Variants in SGCZ observed in about 807,000 individuals in gnomAD.
The protein encoded by SGCZ is zeta-sarcoglycan.
Under a neutral mutation model 41.3 loss-of-function variants are expected in SGCZ, and 40 were observed. That is an observed-to-expected ratio of 0.97 (90% confidence interval 0.75 to 1.26). SGCZ has a LOEUF of 1.26. Ranked by LOEUF, SGCZ falls within the 50% of genes most tolerant of loss-of-function variation. SGCZ has a pLI of 0.00. For missense variants in SGCZ, 552 were observed against 369.8 expected, an observed-to-expected ratio of 1.49 and a Z score of -4.04; for synonymous variants, 206 against 137.5, an observed-to-expected ratio of 1.50 and a Z score of -3.49.
At chr8:14,300,669 G>C (rs969183193) in intron 3 of SGCZ, among the ~76,000 whole-genome samples, 1 of 151,946 alleles carries the variant, frequency 6.6e-6, no homozygotes, top group Non-Finnish European at 1.5e-5. Context: ...AATGGTGGTC[G>C]TATGAGATCA....
intron 1 of SGCZ, among the ~76,000 whole-genome samples, chr8:14,681,810 G>A (rs892304143): frequency 2.0e-5 from 3 of 152,050 alleles, no homozygotes; most frequent in African/African-American, 7.2e-5. Flanking sequence ...CCTCTTGCAT[G>A]GCAGGAAGCC....
intron 1 of SGCZ, among the ~76,000 whole-genome samples, chr8:14,683,497 T>A (rs1254929310): frequency 6.6e-6 from 1 of 152,154 alleles, no homozygotes; most frequent in Non-Finnish European, 1.5e-5. Context: ...CTCTTTGTCA[T>A]GATTAACTTG....
At chr8:15,116,649 A>C (rs568012927) in intron 1 of SGCZ, among the ~76,000 whole-genome samples, 2 of 152,326 alleles carry the variant, frequency 1.3e-5, no homozygotes, top group African/African-American at 4.8e-5. Flanking sequence ...ATGTATAATA[A>C]AGCACATAGG....
intron 1 of SGCZ, among the ~76,000 whole-genome samples, chr8:14,962,183 A>T (rs1800986268): frequency 6.6e-6 from 1 of 152,238 alleles, no homozygotes; most frequent in Non-Finnish European, 1.5e-5. Context: ...TTATTACGTC[A>T]ACCAGTTTCT....
At chr8:14,679,270 A>T (rs182006199) in intron 1 of SGCZ, among the ~76,000 whole-genome samples, 22 of 152,130 alleles carry the variant, frequency 1.4e-4, no homozygotes, top group African/African-American at 5.1e-4. Flanking sequence ...CTTCTTTTGC[A>T]TACATATTTT....
chr8:14,621,019 G>A (rs923842913), intron 1 of SGCZ, among the ~76,000 whole-genome samples: 3 of 152,052 alleles, frequency 2.0e-5, no homozygotes, highest in African/African-American at 4.8e-5. Flanking sequence ...ATTGACAATA[G>A]CAAAGACTTG....
chr8:14,460,452 G>C (rs1800869452), intron 2 of SGCZ, among the ~76,000 whole-genome samples: 1 of 152,106 alleles, frequency 6.6e-6, no homozygotes, highest in African/African-American at 2.4e-5. Context: ...TTTTCACTGG[G>C]TGTCAGTGCT....
intron 1 of SGCZ, among the ~76,000 whole-genome samples, chr8:15,191,951 C>A (rs1770091837): frequency 6.6e-6 from 1 of 151,940 alleles, no homozygotes; most frequent in Admixed American, 6.5e-5. Flanking sequence ...AACCCTGGGC[C>A]AAACTAAATC....
intron 1 of SGCZ, among the ~76,000 whole-genome samples, chr8:15,112,401 T>C (rs1411180945): frequency 6.6e-6 from 1 of 152,264 alleles, no homozygotes; most frequent in Non-Finnish European, 1.5e-5. Context: ...TCCATTCTCC[T>C]GCTTCAGATA....
chr8:14,389,946 G>T (rs558161723), intron 2 of SGCZ, among the ~76,000 whole-genome samples: 1 of 151,886 alleles, frequency 6.6e-6, no homozygotes, highest in Non-Finnish European at 1.5e-5. Context: ...AGTTAAAAAC[G>T]GTGTGAGTAT....
chr8:14,140,886 A>G (rs768740104), intron 5 of SGCZ, among the ~76,000 whole-genome samples: 2 of 152,196 alleles, frequency 1.3e-5, no homozygotes, highest in Non-Finnish European at 2.9e-5. Flanking sequence ...CAAAAAGAAC[A>G]ACACTGGAGG....
At chr8:14,283,514 T>C (rs13251658) in intron 3 of SGCZ, among the ~76,000 whole-genome samples, 1 of 151,830 alleles carries the variant, frequency 6.6e-6, no homozygotes, top group South Asian at 2.1e-4. Context: ...TTCATATATA[T>C]ATAAATAAAA....
At chr8:14,112,107 A>G (rs1000626459) in intron 5 of SGCZ, among the ~76,000 whole-genome samples, 3 of 152,184 alleles carry the variant, frequency 2.0e-5, no homozygotes, top group Admixed American at 6.5e-5. Flanking sequence ...AGCACCAGAG[A>G]GAAAGCAAAC....
chr8:14,129,533 C>A (rs1376361085), intron 5 of SGCZ, among the ~76,000 whole-genome samples: 1 of 151,246 alleles, frequency 6.6e-6, no homozygotes, highest in East Asian at 1.9e-4. Flanking sequence ...AACAAAAACA[C>A]AACCTACCCA....
intron 1 of SGCZ, among the ~76,000 whole-genome samples, chr8:15,039,854 T>G (rs941370635): frequency 3.9e-5 from 6 of 152,190 alleles, no homozygotes; most frequent in African/African-American, 2.4e-5. Flanking sequence ...TATACAGTAT[T>G]TGGATTTTAT....
At chr8:14,297,618 C>T (rs1801058584) in intron 3 of SGCZ, among the ~76,000 whole-genome samples, 1 of 151,852 alleles carries the variant, frequency 6.6e-6, no homozygotes, top group Non-Finnish European at 1.5e-5. Context: ...ATTATAAAGA[C>T]TTTCATGTAC....
chr8:15,165,580 C>T (rs570409189), intron 1 of SGCZ, among the ~76,000 whole-genome samples: 1 of 152,238 alleles, frequency 6.6e-6, no homozygotes, highest in Admixed American at 6.5e-5. Context: ...AGTTAGCACA[C>T]AATTAAAGCA....
At chr8:14,301,694 A>G (rs1222410689) in intron 3 of SGCZ, among the ~76,000 whole-genome samples, 1 of 152,156 alleles carries the variant, frequency 6.6e-6, no homozygotes, top group African/African-American at 2.4e-5. Flanking sequence ...CCATTTGACA[A>G]AAGGTAGAAA....
chr8:14,524,320 C>A (rs982139964), intron 2 of SGCZ, among the ~76,000 whole-genome samples: 9 of 151,952 alleles, frequency 5.9e-5, no homozygotes, highest in African/African-American at 2.2e-4. Context: ...TCCATTGAAA[C>A]CCGAGGCAAA....
Sources: gnomAD v4.1 joint callset for allele counts (sites outside exome capture counted in the v4.1 genomes callset) on GRCh38, gnomAD v4.1.1 for gene constraint, MANE v1.5 for transcripts, NCBI Gene and HGNC (gene_info 2026-07-23, HGNC 2026-07-21) for gene names.